The following BLTP1 variants were observed in gnomAD, a reference collection of about 807,000 sequenced individuals.
BLTP1 encodes bridge-like lipid transfer protein family member 1, also known as fragile site-associated protein.
chr4:122,181,004 A>G, the BLTP1 span, among the ~76,000 whole-genome samples: 1 of 152,222 alleles, frequency 6.6e-6, no homozygotes. Flanking sequence ...AGAAGAAAGC[A>G]TGACTATTTA....
chr4:122,240,024 A>G, the BLTP1 span: 1 of 1,614,214 alleles, frequency 6.2e-7, no homozygotes, highest in Non-Finnish European at 8.5e-7. Context: ...TGGAGAAAGC[A>G]TTCAGGATTC....
At chr4:122,192,359 A>AC in the BLTP1 span, 1 of 1,610,934 alleles carries the variant, frequency 6.2e-7, no homozygotes, top group African/African-American at 1.3e-5. Flanking sequence ...TTAATTATGG[A>AC]CCATGGGCCG....
chr4:122,198,545 A>G, the BLTP1 span: 1 of 637,652 alleles, frequency 1.6e-6, no homozygotes, highest in Admixed American at 6.3e-5. Flanking sequence ...AAATACTGGT[A>G]CACTGGAGTA....
chr4:122,174,337 A>G, the BLTP1 span: 1 of 984,544 alleles, frequency 1.0e-6, no homozygotes, highest in Non-Finnish European at 1.2e-6. Flanking sequence ...AGTTACTTAA[A>G]CTAATATCCT....
At chr4:122,312,913 A>G in the BLTP1 span, 2 of 875,236 alleles carry the variant, frequency 2.3e-6, no homozygotes, top group Non-Finnish European at 2.7e-6. Context: ...AGTTTCTTCT[A>G]AGGATGACTG....
the BLTP1 span, chr4:122,281,970 A>G: frequency 4.1e-6 from 4 of 984,936 alleles, no homozygotes; most frequent in Non-Finnish European, 4.8e-6. Flanking sequence ...AATGACCAGA[A>G]TGAACTCTTT....
chr4:122,328,672 T>C, the BLTP1 span: 1 of 983,108 alleles, frequency 1.0e-6, no homozygotes, highest in African/African-American at 1.8e-5. Flanking sequence ...TCCTGTGGCA[T>C]TACATTAACA....
chr4:122,168,738 G>A, the BLTP1 span, among the ~76,000 whole-genome samples: 1 of 151,918 alleles, frequency 6.6e-6, no homozygotes, highest in East Asian at 1.9e-4. Flanking sequence ...AAGGATTATT[G>A]TAAACTGAAA....
chr4:122,308,497 C>T, the BLTP1 span, among the ~76,000 whole-genome samples: 1 of 151,936 alleles, frequency 6.6e-6, no homozygotes, highest in Non-Finnish European at 1.5e-5. Flanking sequence ...TTGGTATGGA[C>T]TTGTTTATAA....
chr4:122,235,503 T>G, the BLTP1 span: 1 of 980,370 alleles, frequency 1.0e-6, no homozygotes, highest in Non-Finnish European at 1.2e-6. Flanking sequence ...ACTCCAGTCT[T>G]AGAATCTTTA....
At chr4:122,251,590 A>C in the BLTP1 span, 2 of 985,148 alleles carry the variant, frequency 2.0e-6, no homozygotes, top group Non-Finnish European at 2.4e-6. Flanking sequence ...AAAAGAGCTG[A>C]GAAAAGCCTA....
the BLTP1 span, chr4:122,254,906 C>A: frequency 6.2e-7 from 1 of 1,613,724 alleles, no homozygotes; most frequent in Non-Finnish European, 8.5e-7. Context: ...ACTGAGGGAA[C>A]CTTGAGAATT....
At chr4:122,318,304 A>G in the BLTP1 span, 1 of 1,577,834 alleles carries the variant, frequency 6.3e-7, no homozygotes, top group Non-Finnish European at 8.7e-7. Flanking sequence ...TGCTGGTGAC[A>G]AAACCACCTG....
the BLTP1 span, chr4:122,167,912 A>G: frequency 1.4e-5 from 14 of 984,908 alleles, no homozygotes; most frequent in Non-Finnish European, 1.6e-5. Flanking sequence ...CTCCATGAAG[A>G]TTTTGCAATA....
the BLTP1 span, chr4:122,230,117 C>T: frequency 1.9e-6 from 3 of 1,614,060 alleles, no homozygotes; most frequent in Non-Finnish European, 2.5e-6. Flanking sequence ...CAATTTAGGA[C>T]TTATTACTGT....
chr4:122,156,739 T>TAAAGAGTC, the BLTP1 span, among the ~76,000 whole-genome samples: 30 of 152,276 alleles, frequency 2.0e-4, no homozygotes, highest in African/African-American at 7.2e-4. Context: ...TTGCTGAAGA[T>TAAAGAGTC]AAAGAGTCAT....
the BLTP1 span, chr4:122,264,302 G>A: frequency 6.2e-7 from 1 of 1,610,448 alleles, no homozygotes. Context: ...TTTCAACACT[G>A]TCTTGTCTAG....
chr4:122,313,739 T>A, the BLTP1 span: 3 of 1,085,200 alleles, frequency 2.8e-6, no homozygotes, highest in Non-Finnish European at 4.1e-6. Context: ...TGCCTTTATT[T>A]TAATGGCAAG....
chr4:122,331,953 T>A, the BLTP1 span: 1 of 191,958 alleles, frequency 5.2e-6, no homozygotes, highest in Non-Finnish European at 9.6e-6. Flanking sequence ...TACACAGACC[T>A]CAGTAGACTG....
Sources: gnomAD v4.1 joint callset for allele counts (sites outside exome capture counted in the v4.1 genomes callset) on GRCh38, gnomAD v4.1.1 for gene constraint, MANE v1.5 for transcripts, NCBI Gene and HGNC (gene_info 2026-07-23, HGNC 2026-07-21) for gene names.